RERGL: variants seen among roughly 807,000 people sequenced by gnomAD.
RERGL encodes the protein ras-related and estrogen-regulated growth inhibitor-like protein.
In RERGL, 22 loss-of-function variants were observed where a neutral mutation model predicts 24.7. The ratio of observed to expected loss-of-function variants is 0.89; its 90% CI spans 0.64 to 1.27. The LOEUF is 1.27. RERGL is among the 50% of genes most tolerant of loss of function. RERGL has a pLI of 0.00. For missense variants in RERGL, 259 were observed against 235.3 expected (o/e 1.10, Z -0.66); for synonymous variants, 76 against 82.6 (o/e 0.92, Z 0.43).
chr12:18,087,250 C>A (rs927636941), intron 2 of RERGL, among the ~76,000 whole-genome samples: 1 of 152,152 alleles, frequency 6.6e-6, no homozygotes, highest in Non-Finnish European at 1.5e-5. Context: ...CATCACTTAT[C>A]TGATCAAATT....
At position 18,081,424 on chromosome 12, in the gene RERGL, G is replaced by C; in HGVS notation, c.382C>G (p.His128Asp). The C allele has an allele frequency of 6.2e-7, 1 of 1,612,992 alleles. No individual in the cohort carries two copies. Among genetic ancestry groups the C allele is most frequent in the South Asian group, 1.1e-5 (1 of 91,038 alleles). ...TCTTCCCAGCCAACCTCTCGCACATGACAAAGATCTCGTTTGTTGCCAACC... is the reference window on the plus strand; with the variant it reads ...TCTTCCCAGCCAACCTCTCGCACATCACAAAGATCTCGTTTGTTGCCAACC... Reference protein sequence around the residue: ...FLVGNKRDLCHVREVGWEEGQ... With the variant: ...FLVGNKRDLCDVREVGWEEGQ... Residue 128 changes from histidine (H) to aspartate (D), a missense_variant, in exon 5 of 5, where the codon CAT becomes GAT. Transcript: ENST00000538724.
intron 1 of RERGL, chr12:18,089,264 A>G: frequency 6.2e-7 from 1 of 1,607,764 alleles, no homozygotes; most frequent in East Asian, 2.2e-5. Flanking sequence ...ATTATATTTG[A>G]GATGCAAGAA....
chr12:18,089,204 A>G lies in RERGL; in HGVS notation c.53-248T>C, dbSNP rs774723252. ...TAAATCACTATGCAGTTAATTCATTACCACAAAAACATAAGGCCACTTACC... is the reference window on the plus strand; with the variant it reads ...TAAATCACTATGCAGTTAATTCATTGCCACAAAAACATAAGGCCACTTACC... On this transcript the variant is annotated intron_variant, in intron 1 of 4. Coordinates refer to ENST00000538724, the MANE Select transcript of RERGL (RefSeq NM_001286201.2). 6.9e-6 allele frequency: 11 copies of G among 1,591,056 alleles called. No homozygotes were observed. The Admixed American group carries it at 1.9e-4, about 28-fold the overall frequency.
At position 18,090,177 on chromosome 12, in the gene RERGL, G is replaced by T; in HGVS notation, c.-37C>A. 6.6e-7 allele frequency: 1 copy of T among 1,504,994 alleles called. No homozygotes were observed. Among genetic ancestry groups the T allele is most frequent in the Non-Finnish European group, 8.9e-7 (1 of 1,128,984 alleles). The allele number at this position is 1,504,994 out of a possible 1,614,324, so 93.2% of individuals were successfully genotyped here. On this transcript the variant is annotated 5_prime_UTR_variant, in exon 1 of 5. Transcript: ENST00000538724. ...GCTTCTTGGTCAGTCCTATTTTCTG[G>T]AACTACACTGCCCTGTGACAAGCTT...
intron 4 of RERGL, among the ~76,000 whole-genome samples, 161 bp from the exon 5 acceptor site, chr12:18,081,634 C>A (rs935851834): frequency 6.6e-6 from 1 of 151,644 alleles, no homozygotes; most frequent in African/African-American, 2.4e-5. Flanking sequence ...TTACACATAG[C>A]CCCAATTACT....
At chr12:18,084,326 C>G (rs1947198906) in intron 4 of RERGL, among the ~76,000 whole-genome samples, 191 bp downstream of exon 4, 1 of 152,090 alleles carries the variant, frequency 6.6e-6, no homozygotes, top group Non-Finnish European at 1.5e-5. Flanking sequence ...CTGTTTATGT[C>G]AGCGAGGATA....
intron 2 of RERGL, among the ~76,000 whole-genome samples, chr12:18,087,639 A>C (rs1433846022): frequency 1.3e-5 from 2 of 152,222 alleles, no homozygotes; most frequent in East Asian, 3.9e-4. Context: ...TTTTTCATCG[A>C]GAGGTAACAG....
chr12:18,087,786 C>A (rs1947233903), intron 2 of RERGL, among the ~76,000 whole-genome samples: 1 of 152,108 alleles, frequency 6.6e-6, no homozygotes, highest in Admixed American at 6.6e-5. Flanking sequence ...TTTTCTCATG[C>A]CCGAGTCCTA....
In RERGL at chr12:18,088,926, AAT is replaced by A; in HGVS notation, c.81_82del (p.Phe28HisfsTer7). 6.2e-7 allele frequency: 1 copy of A among 1,610,050 alleles called. No individual in the cohort carries two copies. ...AAAATTAGAAGCATATTCTCCAATG[AAT>A]CGCTTAGTAAGAAACCTCACTGTAA... On this transcript the variant is annotated frameshift_variant, in exon 2 of 5. Transcript: ENST00000538724. LOFTEE classifies it high-confidence loss of function.
chr12:18,083,234 C>T (rs1173984704), intron 4 of RERGL, among the ~76,000 whole-genome samples: 1 of 152,030 alleles, frequency 6.6e-6, no homozygotes, highest in Non-Finnish European at 1.5e-5. Flanking sequence ...ATTTTGCTTT[C>T]CTAGTCTTTT....
At chr12:18,086,762 C>T (rs188749610) in intron 2 of RERGL, among the ~76,000 whole-genome samples, 2 of 152,124 alleles carry the variant, frequency 1.3e-5, no homozygotes, top group African/African-American at 2.4e-5. Flanking sequence ...TTCTGATGAA[C>T]CCAACTTATG....
At position 18,090,190 on chromosome 12, in the gene RERGL, C is replaced by T. The variant is rs992511917; in HGVS notation, c.-50G>A. On this transcript the variant is annotated 5_prime_UTR_variant, in exon 1 of 5. Transcript: ENST00000538724. ...TCCTATTTTCTGGAACTACACTGCC[C>T]TGTGACAAGCTTTTTTTTAACTTCC... 2 of 1,433,472 alleles carry T rather than the reference C, an allele frequency of 1.4e-6. No homozygotes were observed. Among genetic ancestry groups the T allele is most frequent in the African/African-American group, 1.4e-5 (1 of 69,476 alleles). 88.8% of individuals were successfully genotyped at this position (1,433,472 alleles called of 1,614,324 possible).
chr12:18,082,082 G>A (rs941516689), intron 4 of RERGL, among the ~76,000 whole-genome samples: 15 of 151,266 alleles, frequency 9.9e-5, no homozygotes, highest in Admixed American at 3.3e-4. Context: ...AGAGGTTGCC[G>A]TGAGCCAAGA....
chr12:18,083,202 T>C (rs1189793274), intron 4 of RERGL, among the ~76,000 whole-genome samples: 1 of 152,174 alleles, frequency 6.6e-6, no homozygotes, highest in Non-Finnish European at 1.5e-5. Context: ...ATATCAGATA[T>C]AATTTAATGA....
intron 4 of RERGL, among the ~76,000 whole-genome samples, chr12:18,083,740 T>C (rs1947193614): frequency 1.3e-5 from 2 of 152,184 alleles, no homozygotes; most frequent in African/African-American, 4.8e-5. Context: ...GTAATAATAT[T>C]GTGCTTTTCT....
intron 4 of RERGL, among the ~76,000 whole-genome samples, chr12:18,084,149 C>T (rs74067997): frequency 2.0e-3 from 304 of 152,126 alleles, no homozygotes; most frequent in African/African-American, 6.3e-3. Context: ...TGGTGCCAAA[C>T]GTAATAAATC....
In RERGL at chr12:18,081,238, C is replaced by A. The variant is rs1384417407; in HGVS notation, c.568G>T (p.Ala190Ser). The A allele has an allele frequency of 1.2e-6, 2 of 1,612,602 alleles. No homozygotes were observed. The highest frequency in any genetic ancestry group is 1.7e-5 in the Admixed American group (1 of 59,986). Reference sequence around the variant, plus strand: ...CCAAATACATTATTGATCAATTTGGCCATTGATTTAGATCCACTGGGACGT... The same window carrying A: ...CCAAATACATTATTGATCAATTTGGACATTGATTTAGATCCACTGGGACGT... Reference protein sequence around the residue: ...KRRPSGSKSMAKLINNVFGKR... With the variant: ...KRRPSGSKSMSKLINNVFGKR... Residue 190 changes from alanine (A) to serine (S), a missense_variant, in exon 5 of 5, where the codon GCC (alanine) becomes TCC (serine). Ala to Ser is a moderately conservative substitution (Grantham distance 99). Transcript: ENST00000538724.
chr12:18,082,972 A>G (rs922641942), intron 4 of RERGL, among the ~76,000 whole-genome samples: 15 of 152,062 alleles, frequency 9.9e-5, no homozygotes, highest in African/African-American at 3.4e-4. Context: ...GGCATAGAAC[A>G]CTGCAAATGT....
At chr12:18,089,562 T>C (rs1947251094) in intron 1 of RERGL, among the ~76,000 whole-genome samples, 1 of 152,126 alleles carries the variant, frequency 6.6e-6, no homozygotes, top group Non-Finnish European at 1.5e-5. Context: ...AAAGCATGAC[T>C]TCCAAAGTTA....
Sources: gnomAD v4.1 joint callset for allele counts (sites outside exome capture counted in the v4.1 genomes callset) on GRCh38, gnomAD v4.1.1 for gene constraint, MANE v1.5 for transcripts, NCBI Gene and HGNC (gene_info 2026-07-23, HGNC 2026-07-21) for gene names.